The following SLC22A14 variants were observed in gnomAD, a reference collection of about 807,000 sequenced individuals.
SLC22A14 encodes the protein organic cation transporter-like 4.
In SLC22A14, 50 loss-of-function variants were observed where a neutral mutation model predicts 53.9. The observed-to-expected ratio is 0.93, with a 90% CI of 0.74 to 1.17. SLC22A14 has a LOEUF of 1.17. SLC22A14 is among the 50% of genes most tolerant of loss of function. The pLI, the probability that SLC22A14 is intolerant of heterozygous loss-of-function variation, is 0.00. For synonymous variants in SLC22A14, 312 were observed against 303.0 expected, an observed-to-expected ratio of 1.03 and a Z score of -0.31; for missense variants, 671 against 734.7, an observed-to-expected ratio of 0.91 and a Z score of 1.00.
At chr3:38,280,631 C>CT (rs35898444), upstream of SLC22A14, among the ~76,000 whole-genome samples, 41,140 of 143,304 alleles carry the variant, frequency 0.29, 6,574 homozygotes, top group South Asian at 0.45. Context: ...GTTCTGGGAT[C>CT]TTTTTTTTTT....
chr3:38,303,757 T>C (rs1704226032), intron 1 of SLC22A14: 2 of 152,162 alleles, frequency 1.3e-5, no homozygotes, highest in Admixed American at 1.3e-4. Flanking sequence ...TTCCTTCTTA[T>C]CTTTCATTTA....
chr3:38,309,709 A>G (rs1032131278), intron 5 of SLC22A14, among the ~76,000 whole-genome samples: 2 of 152,164 alleles, frequency 1.3e-5, no homozygotes, highest in African/African-American at 4.8e-5. Flanking sequence ...TGAGAACAAA[A>G]GTGAGATGCC....
At chr3:38,305,657 AGGTCCCT>A in intron 1 of SLC22A14, 1 of 184,998 alleles carries the variant, frequency 5.4e-6, no homozygotes, top group Non-Finnish European at 1.1e-5. Context: ...TTTGAAGAAA[AGGTCCCT>A]AGAGACCTCT....
chr3:38,297,203 A>G (rs915729938), intron 1 of SLC22A14, among the ~76,000 whole-genome samples: 5 of 152,064 alleles, frequency 3.3e-5, no homozygotes, highest in Admixed American at 3.3e-4. Flanking sequence ...TCTCTTTACT[A>G]CCTGTTTGGT....
chr3:38,315,877 C>T (rs1445958740), intron 9 of SLC22A14, among the ~76,000 whole-genome samples, 166 bp downstream of exon 9: 1 of 152,214 alleles, frequency 6.6e-6, no homozygotes, highest in Non-Finnish European at 1.5e-5. Context: ...CCCCAAATGC[C>T]ATCACTAACC....
At chr3:38,308,894 CA>C in intron 4 of SLC22A14, 59 bp from the exon 5 acceptor site, 1 of 1,526,282 alleles carries the variant, frequency 6.6e-7, no homozygotes, top group South Asian at 1.2e-5. Flanking sequence ...AGGCTGGATG[CA>C]AGGGCAGCCC....
chr3:38,301,627 T>C (rs1430075227), intron 1 of SLC22A14, among the ~76,000 whole-genome samples: 2 of 152,162 alleles, frequency 1.3e-5, no homozygotes, highest in Admixed American at 6.5e-5. Context: ...GTCTTTAATT[T>C]CTCTTTCTTA....
intron 5 of SLC22A14, among the ~76,000 whole-genome samples, chr3:38,310,450 G>A (rs1431827530): frequency 3.3e-5 from 5 of 152,078 alleles, no homozygotes; most frequent in South Asian, 2.1e-4. Flanking sequence ...CTGGCCCCTC[G>A]CTCAGGATAG....
chr3:38,281,236 G>A (rs1703662221), upstream of SLC22A14, among the ~76,000 whole-genome samples: 1 of 152,132 alleles, frequency 6.6e-6, no homozygotes, highest in African/African-American at 2.4e-5. Flanking sequence ...ATAGGAAACT[G>A]CAAAAGAGCT....
At chr3:38,299,529 A>G (rs1559547527) in intron 1 of SLC22A14, among the ~76,000 whole-genome samples, 1 of 152,218 alleles carries the variant, frequency 6.6e-6, no homozygotes, top group Non-Finnish European at 1.5e-5. Context: ...ATATCAATGA[A>G]TAGACATTTT....
intron 1 of SLC22A14, among the ~76,000 whole-genome samples, chr3:38,298,440 A>G (rs1704087476): frequency 1.3e-5 from 2 of 151,646 alleles, no homozygotes; most frequent in South Asian, 4.2e-4. Context: ...CTATCTATCT[A>G]TCTATCTATC....
Position 38,307,579 on chromosome 3 carries a change from C to G in SLC22A14, c.634C>G (p.Pro212Ala). 6.2e-7 allele frequency: 1 copy of G among 1,614,042 alleles called. No individual in the cohort carries two copies. Among genetic ancestry groups the G allele is most frequent in the African/African-American group, 1.3e-5 (1 of 75,050 alleles). ...TGACACCTGTAGGATGGGCCGCTAC[C>G]CTGCCATCCTGCTGTCACTGCTGGG... ...RLITDKMGRY[P>A]AILLSLLGLI... The change falls in exon 4 of 11, where the codon CCT becomes GCT. Residue 212 changes from proline to alanine, a missense_variant. Coordinates refer to ENST00000448498, the MANE Select transcript of SLC22A14 (RefSeq NM_001320033.2). The surrounding 1 kb of genome is among the most constrained non-coding windows in gnomAD (Gnocchi z 4.4).
intron 5 of SLC22A14, among the ~76,000 whole-genome samples, chr3:38,310,208 C>T (rs1704430446): frequency 6.6e-6 from 1 of 151,784 alleles, no homozygotes; most frequent in Non-Finnish European, 1.5e-5. Flanking sequence ...CAAGACCCTG[C>T]CTCTACACAA....
chr3:38,289,767 G>A (rs945679253), intron 1 of SLC22A14, among the ~76,000 whole-genome samples: 1 of 152,236 alleles, frequency 6.6e-6, no homozygotes, highest in African/African-American at 2.4e-5. Context: ...GAAGTCAGCG[G>A]CGGGTCTGCA....
chr3:38,280,151 A>G (rs1349110087), upstream of SLC22A14, among the ~76,000 whole-genome samples: 1 of 152,162 alleles, frequency 6.6e-6, no homozygotes, highest in African/African-American at 2.4e-5. Flanking sequence ...AGAACTGCGC[A>G]TGCTGGAGGA....
intron 1 of SLC22A14, among the ~76,000 whole-genome samples, chr3:38,299,495 C>T (rs766916714): frequency 2.6e-5 from 4 of 152,200 alleles, no homozygotes; most frequent in African/African-American, 9.7e-5. Context: ...TCTTCACTTA[C>T]CAATATGGTC....
At chr3:38,281,641 C>T (rs1198868326), upstream of SLC22A14, among the ~76,000 whole-genome samples, 2 of 152,176 alleles carry the variant, frequency 1.3e-5, no homozygotes, top group Non-Finnish European at 2.9e-5. Context: ...ACACTCATGA[C>T]CCAATTACAT....
chr3:38,292,534 G>A (rs548142109), intron 1 of SLC22A14, among the ~76,000 whole-genome samples: 25 of 152,262 alleles, frequency 1.6e-4, no homozygotes, highest in African/African-American at 6.0e-4. Context: ...TATTGCAGGG[G>A]CTACTGCATG....
At chr3:38,299,752 G>C (rs950313424) in intron 1 of SLC22A14, among the ~76,000 whole-genome samples, 5 of 152,072 alleles carry the variant, frequency 3.3e-5, no homozygotes, top group Non-Finnish European at 5.9e-5. Context: ...TTGTAGAGAT[G>C]GGTCTTATTT....
Sources: gnomAD v4.1 joint callset for allele counts (sites outside exome capture counted in the v4.1 genomes callset) on GRCh38, gnomAD v4.1.1 for gene constraint, Gnocchi (gnomAD v3.1) non-coding constraint, MANE v1.5 for transcripts, NCBI Gene and HGNC (gene_info 2026-07-23, HGNC 2026-07-21) for gene names.